SCLY: variants seen among roughly 807,000 people sequenced by gnomAD.
The protein encoded by SCLY is selenocysteine lyase, also known as putative selenocysteine lyase.
SCLY carries 38 observed loss-of-function variants against 50.1 expected under a neutral mutation model. The ratio of observed to expected loss-of-function variants is 0.76; its 90% CI spans 0.59 to 0.99. The LOEUF is 0.99. SCLY is among the 50% of genes least tolerant of loss of function. The probability of loss-of-function intolerance (pLI) is 0.00; values close to 1 mark genes in which losing one functional copy is unlikely to be tolerated. For missense variants in SCLY, 600 were observed against 620.0 expected, an observed-to-expected ratio of 0.97 and a Z score of 0.34; for synonymous variants, 243 against 249.4, an observed-to-expected ratio of 0.97 and a Z score of 0.24.
rs1574722019 is a variant in SCLY at position 238,098,913 on chromosome 2, C to T, written c.*558C>T. ...TTCTCAGGCCCTTTTTAGTCCCTTTCCAAAGCTGCCCCCACCACCCTGCTC... is the reference window on the plus strand; with the variant it reads ...TTCTCAGGCCCTTTTTAGTCCCTTTTCAAAGCTGCCCCCACCACCCTGCTC... On this transcript the variant is annotated 3_prime_UTR_variant, in exon 12 of 12. Coordinates refer to ENST00000254663, the MANE Select transcript of SCLY (RefSeq NM_016510.7). 1 of 220,486 alleles carries T rather than the reference C, an allele frequency of 4.5e-6. No individual in the cohort carries two copies. The highest frequency in any genetic ancestry group is 1.2e-4 in the East Asian group (1 of 8,228). The allele number at this position is 220,486 out of a possible 1,614,324, so 13.7% of individuals were successfully genotyped here.
rs1194452421 is a variant in SCLY at position 238,083,333 on chromosome 2, A to G, written c.863A>G (p.Gln288Arg). 4 of 1,613,010 alleles carry G rather than the reference A, an allele frequency of 2.5e-6. No homozygotes were observed. In the African/African-American group the frequency reaches 5.3e-5, roughly 22 times the overall value. The part of the protein sequence containing the change: ...PLYPMLFGGG[Q>R]ERNFRPGTEN... ...TACCCTATGCTATTTGGAGGTGGACAAGAACGGAATTTCAGGCCAGGGTAA... is the reference window on the plus strand; with the variant it reads ...TACCCTATGCTATTTGGAGGTGGACGAGAACGGAATTTCAGGCCAGGGTAA... Residue 288 changes from glutamine to arginine, a missense_variant, in exon 7 of 12, where the codon CAA becomes CGA. Coordinates refer to ENST00000254663, the MANE Select transcript of SCLY (RefSeq NM_016510.7). The surrounding 1 kb of genome is among the most constrained non-coding windows in gnomAD (Gnocchi z 4.3).
At chr2:238,082,546 G>A (rs2249067) in intron 6 of SCLY, among the ~76,000 whole-genome samples, 131,350 of 152,230 alleles carry the variant, frequency 0.86, 56,832 homozygotes, top group East Asian at 0.97. Context: ...CAGCGGACAG[G>A]GCATCTGCAG....
chr2:238,079,469 T>C (rs929696517), intron 4 of SCLY: 1 of 152,242 alleles, frequency 6.6e-6, no homozygotes, highest in Non-Finnish European at 1.5e-5. Flanking sequence ...ATTATCTTCA[T>C]TTGTTCCATG....
chr2:238,097,457 G>A (rs1459343238), intron 11 of SCLY, among the ~76,000 whole-genome samples: 1 of 152,164 alleles, frequency 6.6e-6, no homozygotes, highest in Non-Finnish European at 1.5e-5. Context: ...GTGGGAGGTC[G>A]GAGTGGACGC....
In SCLY at chr2:238,061,004, C is replaced by A; in HGVS notation, c.-51C>A. 1 of 1,305,308 alleles carries A rather than the reference C, an allele frequency of 7.7e-7. No homozygotes were observed. The highest frequency in any genetic ancestry group is 9.8e-7 in the Non-Finnish European group (1 of 1,015,654). The allele number at this position is 1,305,308 out of a possible 1,614,324, so 80.9% of individuals were successfully genotyped here. On this transcript the variant is annotated 5_prime_UTR_variant, in exon 1 of 12. Coordinates refer to ENST00000254663, the MANE Select transcript of SCLY (RefSeq NM_016510.7). ...CGCCTCCTCCCCGGCGCTCTGGGCC[C>A]GTAGCGCTCCGCGGGAAGGAGGCTG...
chr2:238,063,377 C>A (rs2065037624), intron 1 of SCLY, among the ~76,000 whole-genome samples: 1 of 151,976 alleles, frequency 6.6e-6, no homozygotes, highest in Non-Finnish European at 1.5e-5. Flanking sequence ...CCCAGCCTCC[C>A]TAGTAGGGCT....
At chr2:238,096,914 G>T in intron 11 of SCLY, 38 bp downstream of exon 11, 1 of 1,550,398 alleles carries the variant, frequency 6.4e-7, no homozygotes, top group Non-Finnish European at 8.7e-7. Context: ...GGGCATAGGG[G>T]TCCTCCGGGC....
chr2:238,064,324 C>T (rs2065048565), intron 1 of SCLY, 33 bp from the exon 2 acceptor site: 2 of 1,442,724 alleles, frequency 1.4e-6, no homozygotes, highest in African/African-American at 1.4e-5. Context: ...ATCTCCTTTT[C>T]CTTAATGGGT....
At chr2:238,082,418 G>C (rs1205476751) in intron 6 of SCLY, among the ~76,000 whole-genome samples, 2 of 152,144 alleles carry the variant, frequency 1.3e-5, no homozygotes, top group African/African-American at 4.8e-5. Flanking sequence ...AGGGATGATG[G>C]GGGGGGTGCC....
chr2:238,073,521 G>A (rs2065145394), intron 4 of SCLY, among the ~76,000 whole-genome samples: 1 of 152,044 alleles, frequency 6.6e-6, no homozygotes. Flanking sequence ...ATTTCTTCCA[G>A]CAATTTTTGC....
chr2:238,096,762 T>A, intron 10 of SCLY, 39 bp from the exon 11 acceptor site: 1 of 1,582,346 alleles, frequency 6.3e-7, no homozygotes, highest in South Asian at 1.2e-5. Context: ...GCAACCTGGC[T>A]GGAGCCCCAT....
chr2:238,082,730 G>A lies in SCLY; in HGVS notation c.778-518G>A, dbSNP rs369107385. The A allele has an allele frequency of 6.3e-4, 114 of 179,794 alleles. 1 individual carries two copies. The highest frequency in any genetic ancestry group is 2.5e-3 in the African/African-American group (106 of 42,410). 11.1% of individuals were successfully genotyped at this position (179,794 alleles called of 1,614,324 possible). On this transcript the variant is annotated intron_variant, in intron 6 of 11. Transcript: ENST00000254663. ...TGCACATCTTTCTGGCAGCTTACCA[G>A]GGCCCGAGATATTTTTAGTACTCAA...
intron 7 of SCLY, among the ~76,000 whole-genome samples, chr2:238,084,253 C>T (rs1473775926): frequency 6.6e-6 from 1 of 152,152 alleles, no homozygotes; most frequent in Non-Finnish European, 1.5e-5. Flanking sequence ...ACCTGTCAGT[C>T]ACAGGGAGCG....
At chr2:238,089,018 C>T (rs1293933893) in intron 7 of SCLY, among the ~76,000 whole-genome samples, 2 of 152,148 alleles carry the variant, frequency 1.3e-5, no homozygotes. Context: ...TAAAGAAAAT[C>T]CCAAGGAATG....
chr2:238,089,570 C>A (rs147121420), intron 7 of SCLY, among the ~76,000 whole-genome samples: 1 of 152,078 alleles, frequency 6.6e-6, no homozygotes, highest in Non-Finnish European at 1.5e-5. Flanking sequence ...AGGCTGCATG[C>A]GGCCCAGGAC....
rs2065091996 is a variant in SCLY at position 238,068,166 on chromosome 2, G to T, written c.303+1G>T. 6.3e-7 allele frequency: 1 copy of T among 1,593,480 alleles called. No individual in the cohort carries two copies. Among genetic ancestry groups the T allele is most frequent in the Non-Finnish European group, 8.6e-7 (1 of 1,164,794 alleles). ...AATCTTCACTTCCGGGGGCACTGAGGTAAAGCTTCTGAACACACTCACATT... is the reference window on the plus strand; with the variant it reads ...AATCTTCACTTCCGGGGGCACTGAGTTAAAGCTTCTGAACACACTCACATT... On this transcript the variant is annotated splice_donor_variant, in intron 3 of 11. Transcript: ENST00000254663. LOFTEE classifies it high-confidence loss of function.
At chr2:238,082,011 A>T in intron 5 of SCLY, 34 bp from the exon 6 acceptor site, 1 of 1,602,180 alleles carries the variant, frequency 6.2e-7, no homozygotes, top group Non-Finnish European at 8.5e-7. Flanking sequence ...ATCAGATCGG[A>T]GCAACATACT....
chr2:238,081,902 C>T lies in SCLY; in HGVS notation c.612+66C>T, dbSNP rs571209627. On this transcript the variant is annotated intron_variant, in intron 5 of 11. Transcript: ENST00000254663. Reference sequence around the variant, plus strand: ...GAAGAACAGCAGCTTAGACTCATGGCGTTTCAGGTTTCCCAGCTCTGGCCT... The same window carrying T: ...GAAGAACAGCAGCTTAGACTCATGGTGTTTCAGGTTTCCCAGCTCTGGCCT... 61 of 1,586,678 alleles carry T rather than the reference C, an allele frequency of 3.8e-5. No individual in the cohort carries two copies. In the East Asian group the frequency reaches 6.1e-4, roughly 16 times the overall value.
chr2:238,061,030 G>A lies in SCLY; in HGVS notation c.-25G>A. On this transcript the variant is annotated 5_prime_UTR_variant, in exon 1 of 12. Transcript: ENST00000254663. ...GTAGCGCTCCGCGGGAAGGAGGCTG[G>A]ATGCCCGGCAGCAGTGGGGCGGGGA... 7.3e-7 allele frequency: 1 copy of A among 1,362,808 alleles called. No individual in the cohort carries two copies. Among genetic ancestry groups the A allele is most frequent in the African/African-American group, 1.5e-5 (1 of 65,036 alleles). The allele number at this position is 1,362,808 out of a possible 1,614,324, so 84.4% of individuals were successfully genotyped here. A position where few individuals can be genotyped will look rare whatever the true frequency, so the allele number is the denominator to read the frequency against.
Sources: gnomAD v4.1 joint callset for allele counts (sites outside exome capture counted in the v4.1 genomes callset) on GRCh38, gnomAD v4.1.1 for gene constraint, Gnocchi (gnomAD v3.1) non-coding constraint, MANE v1.5 for transcripts, NCBI Gene and HGNC (gene_info 2026-07-23, HGNC 2026-07-21) for gene names.